SLC24A2: variants seen among roughly 807,000 people sequenced by gnomAD.
The protein encoded by SLC24A2 is sodium/potassium/calcium exchanger 2.
A neutral mutation model predicts 62.0 loss-of-function variants in SLC24A2; 36 were observed. The ratio of observed to expected loss-of-function variants is 0.58; its 90% CI spans 0.44 to 0.77. SLC24A2 has a LOEUF of 0.77. Among genes scored for constraint, SLC24A2 ranks in the 30% least tolerant of loss-of-function variants. SLC24A2 has a pLI of 0.00. For missense variants in SLC24A2, 846 were observed against 817.9 expected (o/e 1.03, Z -0.42); for synonymous variants, 358 against 294.0 (o/e 1.22, Z -2.23).
the SLC24A2 span, among the ~76,000 whole-genome samples, chr9:20,204,499 CAA>C: frequency 6.6e-6 from 1 of 152,092 alleles, no homozygotes. Context: ...CTAAAATATT[CAA>C]AGTGTTGAAT....
chr9:20,072,228 C>T, the SLC24A2 span, among the ~76,000 whole-genome samples: 2 of 152,152 alleles, frequency 1.3e-5, no homozygotes, highest in African/African-American at 4.8e-5. Context: ...CCCAGCAACG[C>T]CTATCTGTTT....
chr9:19,854,221 A>T, the SLC24A2 span, among the ~76,000 whole-genome samples: 1 of 151,936 alleles, frequency 6.6e-6, no homozygotes, highest in African/African-American at 2.4e-5. Flanking sequence ...CTAGCAGTCT[A>T]TCTATTTGAT....
chr9:20,287,527 AC>A, the SLC24A2 span, among the ~76,000 whole-genome samples: 2,679 of 152,352 alleles, frequency 0.018, 33 homozygotes, highest in East Asian at 0.036. Context: ...TAGAAAAAAT[AC>A]CCAAATAAGA....
At chr9:20,106,229 C>A in the SLC24A2 span, among the ~76,000 whole-genome samples, 2 of 152,170 alleles carry the variant, frequency 1.3e-5, no homozygotes, top group Non-Finnish European at 2.9e-5. Context: ...CAAAAAGAGT[C>A]CAGGAACAGA....
chr9:20,148,422 G>C, the SLC24A2 span, among the ~76,000 whole-genome samples: 4 of 152,040 alleles, frequency 2.6e-5, no homozygotes, highest in East Asian at 7.7e-4. Flanking sequence ...AAACGCTTCT[G>C]TACCTTTGAC....
In SLC24A2 at chr9:19,580,645, C is replaced by T. The variant is rs146135078; in HGVS notation, c.1130-3623G>A. Among the ~76,000 whole-genome samples the T allele has an allele frequency of 6.6e-4, 101 of 152,222 alleles. No homozygotes were observed. The East Asian group carries it at 9.6e-3, about 15-fold the overall frequency. On this transcript the variant is annotated intron_variant, in intron 5 of 10. Transcript: ENST00000341998. Reference sequence around the variant, plus strand: ...AGAACAGCAAACAAGGTGTGTGTGTCGGGACAGCACAATTTCATGCTTAAA... The same window carrying T: ...AGAACAGCAAACAAGGTGTGTGTGTTGGGACAGCACAATTTCATGCTTAAA...
At chr9:19,945,334 G>C in the SLC24A2 span, among the ~76,000 whole-genome samples, 1 of 152,054 alleles carries the variant, frequency 6.6e-6, no homozygotes, top group East Asian at 1.9e-4. Flanking sequence ...GGAGGGGAGA[G>C]AGAGAACATA....
Position 19,786,049 on chromosome 9 carries a change from T to A in SLC24A2, c.818A>T (p.Tyr273Phe). Reference protein sequence around the residue: ...WWESLLLLTAYFCYVVFMKFN... With the variant: ...WWESLLLLTAFFCYVVFMKFN... ...TTTCATGAAAACCACATAGCAAAAA[T>A]AAGCTGTTAAGAGAAGCAAGCTTTC... Residue 273 changes from tyrosine (Y) to phenylalanine (F), a missense_variant, in exon 2 of 11, where the codon TAT (tyrosine) becomes TTT (phenylalanine). Coordinates refer to ENST00000341998, the MANE Select transcript of SLC24A2 (RefSeq NM_020344.4). This position sits in a 1 kb window ranked among gnomAD's most constrained non-coding sequence, Gnocchi z 5.0. 6.2e-7 allele frequency: 1 copy of A among 1,614,166 alleles called. No individual in the cohort carries two copies. The highest frequency in any genetic ancestry group is 1.1e-5 in the South Asian group (1 of 91,084).
the SLC24A2 span, among the ~76,000 whole-genome samples, chr9:20,217,107 T>C: frequency 2.7e-4 from 41 of 152,212 alleles, no homozygotes; most frequent in Non-Finnish European, 5.6e-4. Context: ...GATTGTGGTA[T>C]AGTCACACAG....
chr9:19,833,495 A>G, the SLC24A2 span, among the ~76,000 whole-genome samples: 1 of 152,188 alleles, frequency 6.6e-6, no homozygotes, highest in Non-Finnish European at 1.5e-5. Flanking sequence ...CAGCAGTCTG[A>G]GATCAAACTG....
the SLC24A2 span, among the ~76,000 whole-genome samples, chr9:20,224,257 G>C: frequency 6.6e-6 from 1 of 151,560 alleles, no homozygotes; most frequent in Non-Finnish European, 1.5e-5. Flanking sequence ...AAGAAAATAA[G>C]GTAGAATGTC....
chr9:19,957,449 G>A, the SLC24A2 span: 1 of 152,234 alleles, frequency 6.6e-6, no homozygotes, highest in Non-Finnish European at 1.5e-5. Context: ...TCTCTGGAAT[G>A]TTCATCTTGG....
chr9:19,944,918 G>A, the SLC24A2 span, among the ~76,000 whole-genome samples: 1 of 152,074 alleles, frequency 6.6e-6, no homozygotes, highest in Non-Finnish European at 1.5e-5. Flanking sequence ...GAAGAAAAAG[G>A]TGCCTAACTT....
chr9:19,782,189 A>G (rs1486589246), intron 2 of SLC24A2, among the ~76,000 whole-genome samples: 2 of 152,234 alleles, frequency 1.3e-5, no homozygotes, highest in Admixed American at 1.3e-4. Flanking sequence ...ATGACAGCCT[A>G]GCACCATAAC....
At chr9:19,838,423 A>T in the SLC24A2 span, among the ~76,000 whole-genome samples, 1 of 151,676 alleles carries the variant, frequency 6.6e-6, no homozygotes, top group African/African-American at 2.4e-5. Context: ...TTAATTCAAG[A>T]TGGATTAAAG....
chr9:20,061,015 C>A, the SLC24A2 span, among the ~76,000 whole-genome samples: 3 of 151,988 alleles, frequency 2.0e-5, no homozygotes, highest in African/African-American at 7.3e-5. Flanking sequence ...AACTACAAGG[C>A]GTTGCTGAAA....
At chr9:20,233,169 G>T in the SLC24A2 span, among the ~76,000 whole-genome samples, 3 of 152,138 alleles carry the variant, frequency 2.0e-5, no homozygotes, top group South Asian at 6.2e-4. Flanking sequence ...TTTGTAGTAG[G>T]TGTGGTGTGG....
the SLC24A2 span, among the ~76,000 whole-genome samples, chr9:20,148,844 C>T: frequency 6.6e-6 from 1 of 152,074 alleles, no homozygotes; most frequent in African/African-American, 2.4e-5. Context: ...CATGGCACAG[C>T]TGGTAAGTCA....
intron 2 of SLC24A2, among the ~76,000 whole-genome samples, chr9:19,665,806 T>C (rs954286439): frequency 4.6e-5 from 7 of 152,088 alleles, no homozygotes; most frequent in Admixed American, 2.6e-4. Flanking sequence ...TATGTGTATG[T>C]ACATAGTGCA....
Sources: gnomAD v4.1 joint callset for allele counts (sites outside exome capture counted in the v4.1 genomes callset) on GRCh38, gnomAD v4.1.1 for gene constraint, Gnocchi (gnomAD v3.1) non-coding constraint, MANE v1.5 for transcripts, NCBI Gene and HGNC (gene_info 2026-07-23, HGNC 2026-07-21) for gene names.